The following LTN1 variants were observed in gnomAD, a reference collection of about 807,000 sequenced individuals.
LTN1 encodes the protein listerin E3 ubiquitin protein ligase 1.
Under a neutral mutation model 201.2 loss-of-function variants are expected in LTN1, and 88 were observed. The observed-to-expected ratio is 0.44, with a 90% CI of 0.37 to 0.52. The LOEUF (loss-of-function observed/expected upper bound fraction) is 0.52, where lower values mean the gene tolerates loss of function less well. LTN1 is among the 20% of genes least tolerant of loss of function. LTN1 has a pLI of 0.00. For synonymous variants in LTN1, 645 were observed against 713.5 expected, an observed-to-expected ratio of 0.90 and a Z score of 1.53; for missense variants, 1,752 against 2,038.7, an observed-to-expected ratio of 0.86 and a Z score of 2.71.
chr21:28,972,257 G>C (rs1446492462), intron 6 of LTN1, among the ~76,000 whole-genome samples: 1 of 152,128 alleles, frequency 6.6e-6, no homozygotes, highest in Non-Finnish European at 1.5e-5. Context: ...GAAATTTCCA[G>C]CCTACAGAAC....
At chr21:28,935,839 CA>C (rs1190416524) in intron 26 of LTN1, among the ~76,000 whole-genome samples, 3,422 of 78,858 alleles carry the variant, frequency 0.043, 98 homozygotes, top group African/African-American at 0.14. Flanking sequence ...GACTCCGTCT[CA>C]AAAAAAAAAA....
At position 28,955,706 on chromosome 21, in the gene LTN1, C is replaced by T. The variant is rs531309956; in HGVS notation, c.3079+1056G>A. Among the ~76,000 whole-genome samples the T allele has an allele frequency of 2.6e-3, 392 of 151,858 alleles. 3 individuals carry two copies. Among genetic ancestry groups the T allele is most frequent in the Non-Finnish European group, 4.7e-3 (321 of 67,922 alleles). ...TTGGGAGGCTGAGACGGGCGGATCA[C>T]GAGGTCAGGAGTTCAAGACCAGCCT... On this transcript the variant is annotated intron_variant, in intron 16 of 29. Transcript: ENST00000361371.
At chr21:28,976,975 A>C (rs975922868) in intron 6 of LTN1, among the ~76,000 whole-genome samples, 9 of 152,068 alleles carry the variant, frequency 5.9e-5, no homozygotes, top group Admixed American at 3.3e-4. Context: ...GGCTGGTCTC[A>C]AACTCCTGGC....
In LTN1 at chr21:28,969,527, C is replaced by A; in HGVS notation, c.1250G>T (p.Arg417Leu). Residue 417 changes from arginine to leucine, a missense_variant, in exon 9 of 30, where the codon CGT (arginine) becomes CTT (leucine). Arg to Leu is a moderately radical substitution (Grantham distance 102, BLOSUM62 -2). Transcript: ENST00000361371. ...AVISAFFECL[R>L]FIMQQNLGEE... ...ACCTAAGTTTTGCTGCATTATAAAA[C>A]GTAAGCATTCAAAAAAAGCAGATAT... 6.2e-7 allele frequency: 1 copy of A among 1,612,624 alleles called. No homozygotes were observed. The highest frequency in any genetic ancestry group is 8.5e-7 in the Non-Finnish European group (1 of 1,179,168).
chr21:28,960,788 T>C, intron 11 of LTN1, 82 bp from the exon 12 acceptor site: 1 of 911,834 alleles, frequency 1.1e-6, no homozygotes, highest in South Asian at 1.7e-5. Flanking sequence ...ACCATATTAC[T>C]ATCCCTTCGT....
At chr21:28,953,143 T>C in intron 17 of LTN1, 74 bp downstream of exon 17, 3 of 1,044,208 alleles carry the variant, frequency 2.9e-6, no homozygotes, top group Admixed American at 5.4e-5. Context: ...TGCAGTAGGG[T>C]TACCTCTTAC....
chr21:28,933,526 T>C (rs903520413), intron 27 of LTN1, among the ~76,000 whole-genome samples: 4 of 152,228 alleles, frequency 2.6e-5, no homozygotes, highest in Admixed American at 2.0e-4. Flanking sequence ...AACATACCTC[T>C]TATTCACCGT....
At chr21:28,937,224 G>T (rs577034236) in intron 25 of LTN1, among the ~76,000 whole-genome samples, 4 of 152,186 alleles carry the variant, frequency 2.6e-5, no homozygotes, top group Non-Finnish European at 5.9e-5. Context: ...GTATCTGTGT[G>T]AGACCTGTAC....
At chr21:28,959,406 G>A in intron 13 of LTN1, 52 bp downstream of exon 13, 1 of 1,575,144 alleles carries the variant, frequency 6.3e-7, no homozygotes, top group Non-Finnish European at 8.6e-7. Context: ...CACTCACTAT[G>A]AAGGTCAGAG....
chr21:28,946,497 T>C (rs2084339107), intron 19 of LTN1, among the ~76,000 whole-genome samples: 2 of 152,066 alleles, frequency 1.3e-5, no homozygotes, highest in Admixed American at 6.5e-5. Flanking sequence ...TAGCACACAA[T>C]AGAGAATTTG....
intron 18 of LTN1, among the ~76,000 whole-genome samples, chr21:28,949,923 C>T (rs887968485): frequency 3.3e-5 from 5 of 152,158 alleles, no homozygotes; most frequent in East Asian, 3.8e-4. Context: ...ACTAAATTCA[C>T]ATTTATGTGT....
chr21:28,974,074 G>A (rs1173279113), intron 6 of LTN1, among the ~76,000 whole-genome samples: 3 of 151,654 alleles, frequency 2.0e-5, no homozygotes, highest in Non-Finnish European at 4.4e-5. Flanking sequence ...TGCAAACTTG[G>A]GCAAAGATTT....
At chr21:28,969,038 T>C (rs184119172) in intron 9 of LTN1, among the ~76,000 whole-genome samples, 28 of 151,742 alleles carry the variant, frequency 1.8e-4, no homozygotes, top group Admixed American at 1.6e-3. Flanking sequence ...CTGGCCAACA[T>C]GGTGAAACGC....
intron 11 of LTN1, among the ~76,000 whole-genome samples, chr21:28,965,430 A>C (rs1018829938): frequency 6.6e-6 from 1 of 152,184 alleles, no homozygotes; most frequent in East Asian, 1.9e-4. Flanking sequence ...CAAAGACTGG[A>C]AGATTTTTAT....
intron 29 of LTN1, 69 bp downstream of exon 29, chr21:28,931,066 GGTGTGTGTGTGTGTGTGTGT>G: frequency 1.7e-6 from 1 of 577,874 alleles, no homozygotes; most frequent in East Asian, 3.1e-5. Flanking sequence ...ACATTGTGTA[GGTGTGTGTGTGTGTGTGTGT>G]GTGTGTGTGT....
Position 28,957,055 on chromosome 21 carries a change from G to A in LTN1, c.2893-107C>T, listed in dbSNP as rs1190520704. 3 of 766,068 alleles carry A rather than the reference G, an allele frequency of 3.9e-6. No individual in the cohort carries two copies. In the African/African-American group the frequency reaches 5.3e-5, roughly 14 times the overall value. 47.5% of individuals were successfully genotyped at this position (766,068 alleles called of 1,614,324 possible). A position where few individuals can be genotyped will look rare whatever the true frequency, so the allele number is the denominator to read the frequency against. The stretch of plus-strand genomic sequence containing the variant: ...TTATTACCAAAACCACAGAAACCTA[G>A]AAGTTTGTTTTCTTTTACAGGAAAT... On this transcript the variant is annotated intron_variant, in intron 15 of 29. Coordinates refer to ENST00000361371, the MANE Select transcript of LTN1 (RefSeq NM_015565.3).
Position 28,941,274 on chromosome 21 carries a change from TC to T in LTN1, c.4427del (p.Gly1476AspfsTer8), listed in dbSNP as rs1568834657. 6.2e-7 allele frequency: 1 copy of T among 1,613,346 alleles called. No individual in the cohort carries two copies. ...GTATTAATTTCCAAGTGAGAAGGTA[TC>T]CCAGAACATAACAGAAGTCTTCACT... The part of the protein sequence containing the change: ...PLSEDFCYVL[G>X]YLLTWKLILT... On this transcript the variant is annotated frameshift_variant, in exon 25 of 30. Transcript: ENST00000361371. LOFTEE classifies it high-confidence loss of function.
chr21:28,966,784 T>A lies in LTN1; in HGVS notation c.1707A>T (p.Thr569=). ...AATTATGAGTGAGAGAAGGTTCAGT[T>A]GTTAATTCCCAGCCTTCAATCTTCT... ...EGEKIEGWEL[T]TEPSLTHNSS... The change falls in exon 10 of 30, where the codon ACA becomes ACT. Residue 569 remains threonine, a synonymous_variant. Coordinates refer to ENST00000361371, the MANE Select transcript of LTN1 (RefSeq NM_015565.3). 1.2e-6 allele frequency: 2 copies of A among 1,613,782 alleles called. No homozygotes were observed. Among genetic ancestry groups the A allele is most frequent in the South Asian group, 2.2e-5 (2 of 90,918 alleles).
At chr21:28,941,545 G>T in intron 24 of LTN1, 139 bp from the exon 25 acceptor site, 1 of 618,052 alleles carries the variant, frequency 1.6e-6, no homozygotes, top group Non-Finnish European at 2.7e-6. Context: ...CCTCTATTGA[G>T]CCAATTTTAA....
Sources: allele counts gnomAD v4.1 joint callset (sites outside exome capture counted in the v4.1 genomes callset), GRCh38; gene constraint gnomAD v4.1.1; transcripts MANE v1.5; gene names NCBI Gene and HGNC (gene_info 2026-07-23, HGNC 2026-07-21).